RIOK2: variants seen among roughly 807,000 people sequenced by gnomAD.
RIOK2 encodes the protein serine/threonine-protein kinase RIO2.
RIOK2 carries 46 observed loss-of-function variants against 62.4 expected under a neutral mutation model. The observed-to-expected ratio is 0.74, with a 90% CI of 0.58 to 0.94. The LOEUF is 0.94. Ranked by LOEUF, RIOK2 falls within the 40% of genes least tolerant of loss-of-function variation. RIOK2 has a pLI of 0.00. For synonymous variants in RIOK2, 197 were observed against 216.0 expected, an observed-to-expected ratio of 0.91 and a Z score of 0.77; for missense variants, 574 against 658.0, an observed-to-expected ratio of 0.87 and a Z score of 1.40.
chr5:97,169,660 C>T (rs1164808266), intron 6 of RIOK2, among the ~76,000 whole-genome samples: 2 of 152,206 alleles, frequency 1.3e-5, no homozygotes, highest in African/African-American at 4.8e-5. Context: ...TTTAAAAAGA[C>T]TATTTTATAT....
At position 97,177,771 on chromosome 5, in the gene RIOK2, C is replaced by CA; in HGVS notation, c.282dup (p.Glu95Ter). The CA allele has an allele frequency of 6.2e-7, 1 of 1,613,278 alleles. No homozygotes were observed. The highest frequency in any genetic ancestry group is 8.5e-7 in the Non-Finnish European group (1 of 1,179,378). On this transcript the variant is annotated frameshift_variant, in exon 3 of 10. Transcript: ENST00000283109. LOFTEE classifies it high-confidence loss of function. ...ACACCCATCTGGTTTCCAACAGACTCAACTACTTGCCTAGAAGAAAGTGTT... is the reference window on the plus strand; with the variant it reads ...ACACCCATCTGGTTTCCAACAGACTCAAACTACTTGCCTAGAAGAAAGTGTT...
At chr5:97,179,234 A>G (rs1749267463) in intron 1 of RIOK2, 41 bp from the exon 2 acceptor site, 1 of 1,590,702 alleles carries the variant, frequency 6.3e-7, no homozygotes, top group African/African-American at 1.4e-5. Flanking sequence ...AATCAACACA[A>G]AGCCTTGTCT....
At position 97,177,415 on chromosome 5, in the gene RIOK2, C is replaced by A. The variant is rs530961285; in HGVS notation, c.323-124G>T. On this transcript the variant is annotated intron_variant, in intron 3 of 9. Transcript: ENST00000283109. ...ATTTTTCCTAATAAAGATTGAGTAT[C>A]CCTCCTTATCCAAAACCTTCGGACC... The A allele has an allele frequency of 2.6e-5, 24 of 907,188 alleles. No homozygotes were observed. In the South Asian group the frequency reaches 3.8e-4, roughly 14 times the overall value. 56.2% of individuals were successfully genotyped at this position (907,188 alleles called of 1,614,324 possible). A position where few individuals can be genotyped will look rare whatever the true frequency, so the allele number is the denominator to read the frequency against.
chr5:97,180,357 T>C (rs1580280765), intron 1 of RIOK2, among the ~76,000 whole-genome samples: 2 of 151,360 alleles, frequency 1.3e-5, no homozygotes, highest in African/African-American at 4.9e-5. Flanking sequence ...GATGTGGGCA[T>C]ACAGAGAAAA....
rs368145599 is a variant in RIOK2 at position 97,161,386 on chromosome 5, C to T, written c.*1675G>A. 21 of 152,040 alleles carry T rather than the reference C, an allele frequency of 1.4e-4. No individual in the cohort carries two copies. The East Asian group carries it at 2.1e-3, about 15-fold the overall frequency. The allele number at this position is 152,040 out of a possible 1,614,324, so 9.4% of individuals were successfully genotyped here. Reference sequence around the variant, plus strand: ...TTATCTGTTAGGACAAACTCTCTAACTTCTAATTGATGGCTAGCCAAACAT... The same window carrying T: ...TTATCTGTTAGGACAAACTCTCTAATTTCTAATTGATGGCTAGCCAAACAT... On this transcript the variant is annotated 3_prime_UTR_variant, in exon 10 of 10. Coordinates refer to ENST00000283109, the MANE Select transcript of RIOK2 (RefSeq NM_018343.3).
In RIOK2 at chr5:97,162,927, C is replaced by T; in HGVS notation, c.*134G>A. 1 of 766,248 alleles carries T rather than the reference C, an allele frequency of 1.3e-6. No homozygotes were observed. Among genetic ancestry groups the T allele is most frequent in the East Asian group, 2.8e-5 (1 of 36,314 alleles). The allele number at this position is 766,248 out of a possible 1,614,324, so 47.5% of individuals were successfully genotyped here. A position where few individuals can be genotyped will look rare whatever the true frequency, so the allele number is the denominator to read the frequency against. On this transcript the variant is annotated 3_prime_UTR_variant, in exon 10 of 10. Coordinates refer to ENST00000283109, the MANE Select transcript of RIOK2 (RefSeq NM_018343.3). The stretch of plus-strand genomic sequence containing the variant: ...TCTTTGCAAGACACATACTGAATGA[C>T]CAAATTTATAGATGAAAGAGGGTTT...
chr5:97,174,162 TAAC>T (rs1749097493), intron 4 of RIOK2, among the ~76,000 whole-genome samples: 1 of 152,208 alleles, frequency 6.6e-6, no homozygotes, highest in Non-Finnish European at 1.5e-5. Context: ...CTCACGTCTG[TAAC>T]CCCAGCAATT....
chr5:97,177,063 G>C, intron 4 of RIOK2, 53 bp downstream of exon 4: 3 of 1,469,112 alleles, frequency 2.0e-6, no homozygotes, highest in Non-Finnish European at 2.8e-6. Flanking sequence ...AGGCCTTTGA[G>C]ACACATGTAT....
At chr5:97,182,343 CCTTT>C in intron 1 of RIOK2, among the ~76,000 whole-genome samples, 1 of 152,314 alleles carries the variant, frequency 6.6e-6, no homozygotes, top group South Asian at 2.1e-4. Flanking sequence ...ATTACATTGG[CCTTT>C]CCTCTCTTCA....
At chr5:97,181,970 T>C (rs1749425356) in intron 1 of RIOK2, among the ~76,000 whole-genome samples, 1 of 152,252 alleles carries the variant, frequency 6.6e-6, no homozygotes, top group Non-Finnish European at 1.5e-5. Flanking sequence ...ACTTAAGCGC[T>C]ATTTAAGATT....
At chr5:97,180,148 A>ATG (rs1307159849) in intron 1 of RIOK2, among the ~76,000 whole-genome samples, 2 of 126,666 alleles carry the variant, frequency 1.6e-5, no homozygotes, top group African/African-American at 6.0e-5. Flanking sequence ...ATATGTATAT[A>ATG]TATATATATA....
chr5:97,165,521 A>G (rs560733276), intron 8 of RIOK2, among the ~76,000 whole-genome samples: 6 of 152,294 alleles, frequency 3.9e-5, no homozygotes, highest in Non-Finnish European at 7.4e-5. Flanking sequence ...CACCTTCACA[A>G]ACAGAAGATA....
intron 8 of RIOK2, 136 bp downstream of exon 8, chr5:97,167,331 T>C: frequency 6.8e-7 from 1 of 1,461,714 alleles, no homozygotes; most frequent in Non-Finnish European, 9.0e-7. Flanking sequence ...AAAAAATTAT[T>C]TGGCTTTCAT....
At chr5:97,170,242 A>G (rs887836279) in intron 6 of RIOK2, among the ~76,000 whole-genome samples, 1 of 152,236 alleles carries the variant, frequency 6.6e-6, no homozygotes, top group African/African-American at 2.4e-5. Flanking sequence ...ATAAACCTCA[A>G]GCAAATAAAG....
rs1386382128 is a variant in RIOK2, at chr5:97,162,356, T to C, written c.*705A>G. ...AGAACATGTTCCGGACCCACTTATATAATAAGCATATGAGAAAGAACATTT... is the reference window on the plus strand; with the variant it reads ...AGAACATGTTCCGGACCCACTTATACAATAAGCATATGAGAAAGAACATTT... On this transcript the variant is annotated 3_prime_UTR_variant, in exon 10 of 10. Coordinates refer to ENST00000283109, the MANE Select transcript of RIOK2 (RefSeq NM_018343.3). 1 of 152,256 alleles carries C rather than the reference T, an allele frequency of 6.6e-6. No individual in the cohort carries two copies. 9.4% of individuals were successfully genotyped at this position (152,256 alleles called of 1,614,324 possible).
Position 97,177,834 on chromosome 5 carries a change from G to C in RIOK2, c.220C>G (p.Arg74Gly), listed in dbSNP as rs147196470. ...TAATCATATCCTGCATTTGTCAACC[G>C]ATAGCCCTGGACAGCTAGACAAAAA... ...WERTKTVQGY[R>G]LTNAGYDYLA... The change falls in exon 3 of 10, where the codon CGG (arginine) becomes GGG (glycine). Residue 74 changes from arginine (R) to glycine (G), a missense_variant. By Grantham distance (125) the Arg-to-Gly change is moderately radical. Coordinates refer to ENST00000283109, the MANE Select transcript of RIOK2 (RefSeq NM_018343.3). 1 of 1,611,048 alleles carries C rather than the reference G, an allele frequency of 6.2e-7. No homozygotes were observed.
At position 97,177,266 on chromosome 5, in the gene RIOK2, T is replaced by C. The variant is rs1388133688; in HGVS notation, c.348A>G (p.Glu116=). The C allele has an allele frequency of 2.5e-6, 4 of 1,612,380 alleles. No individual in the cohort carries two copies. Reference sequence around the variant, plus strand: ...GAAGCTTTAATGCAAATTGTTGTCCTTCTTCATTTGCAACAATGTAAATAT... The same window carrying C: ...GAAGCTTTAATGCAAATTGTTGTCCCTCTTCATTTGCAACAATGTAAATAT... The part of the protein sequence containing the change: ...ESDIYIVANE[E]GQQFALKLHR... Residue 116 remains glutamate (E), a synonymous_variant, in exon 4 of 10, where the codon GAA becomes GAG. Coordinates refer to ENST00000283109, the MANE Select transcript of RIOK2 (RefSeq NM_018343.3).
At position 97,168,769 on chromosome 5, in the gene RIOK2, T is replaced by C. The variant is rs1204171016; in HGVS notation, c.863A>G (p.Lys288Arg). Reference protein sequence around the residue: ...SYESELFPTFKDIRREDTLDV... With the variant: ...SYESELFPTFRDIRREDTLDV... ...AATGGGGAGTACAAACCTGATATCC[T>C]TAAAAGTTGGAAAAAGCTCACTTTC... is the stretch of plus-strand genomic sequence containing the variant. The change falls in exon 7 of 10, where the codon AAG (lysine) becomes AGG (arginine). Residue 288 changes from lysine (K) to arginine (R), a missense_variant. Coordinates refer to ENST00000283109, the MANE Select transcript of RIOK2 (RefSeq NM_018343.3). The C allele has an allele frequency of 3.1e-6, 5 of 1,592,486 alleles. No homozygotes were observed. The East Asian group carries it at 9.0e-5, about 29-fold the overall frequency.
intron 1 of RIOK2, among the ~76,000 whole-genome samples, chr5:97,180,150 A>ATGTATATGTATGTATATATATATG (rs1749360958): frequency 1.6e-5 from 2 of 127,408 alleles, no homozygotes; most frequent in Admixed American, 8.7e-5. Flanking sequence ...ATGTATATAT[A>ATGTATATGTATGTATATATATATG]TATATATATA....
Sources: gnomAD v4.1 joint callset for allele counts (sites outside exome capture counted in the v4.1 genomes callset) on GRCh38, gnomAD v4.1.1 for gene constraint, MANE v1.5 for transcripts, NCBI Gene and HGNC (gene_info 2026-07-23, HGNC 2026-07-21) for gene names.